The following OR2T12 variants were observed in gnomAD, a reference collection of about 807,000 sequenced individuals.
OR2T12 encodes the protein olfactory receptor family 2 subfamily T member 12.
For missense variants in OR2T12, 335 were observed against 404.3 expected (o/e 0.83, Z 1.47); for synonymous variants, 127 against 160.5 (o/e 0.79, Z 1.58).
intron 1 of OR2T12, among the ~76,000 whole-genome samples, chr1:248,301,791 T>TTAA (rs1659814809): frequency 6.6e-6 from 1 of 152,158 alleles, no homozygotes; most frequent in Admixed American, 6.5e-5. Flanking sequence ...ATGTCTTTTT[T>TTAA]ATGTATTAAC....
At position 248,294,564 on chromosome 1, in the gene OR2T12, A is replaced by G. The variant is rs1659683138; in HGVS notation, c.*52T>C. The stretch of plus-strand genomic sequence containing the variant: ...TGAATTACTAAAGGGAGAGAATTAC[A>G]TAGTGTTAAAATGTTAATAAATTCA... On this transcript the variant is annotated 3_prime_UTR_variant, in exon 3 of 3. Coordinates refer to ENST00000641276, the MANE Select transcript of OR2T12 (RefSeq NM_001004692.2). 1.3e-6 allele frequency: 2 copies of G among 1,554,890 alleles called. No individual in the cohort carries two copies. Among genetic ancestry groups the G allele is most frequent in the Admixed American group, 2.0e-5 (1 of 50,156 alleles).
Position 248,291,903 on chromosome 1 carries a change from C to T in OR2T12, c.*2713G>A, listed in dbSNP as rs1659639214. ...ATATGGAGAAAACTGAAACTGGACC[C>T]CTTCCTTCAACTTTATACAAAAAAT... On this transcript the variant is annotated 3_prime_UTR_variant, in exon 3 of 3. Transcript: ENST00000641276. The T allele has an allele frequency of 6.6e-6, 1 of 152,034 alleles. No homozygotes were observed. Among genetic ancestry groups the T allele is most frequent in the African/African-American group, 2.4e-5 (1 of 41,388 alleles). The allele number at this position is 152,034 out of a possible 1,614,324, so 9.4% of individuals were successfully genotyped here.
intron 2 of OR2T12, among the ~76,000 whole-genome samples, chr1:248,298,071 A>C (rs1659760525): frequency 6.6e-6 from 1 of 152,102 alleles, no homozygotes; most frequent in East Asian, 1.9e-4. Context: ...GCGTTGTTGA[A>C]ATTTGTCAAA....
rs1353366807 is a variant in OR2T12 at position 248,294,131 on chromosome 1, G to C, written c.*485C>G. 1.3e-5 allele frequency: 2 copies of C among 154,572 alleles called. No individual in the cohort carries two copies. Among genetic ancestry groups the C allele is most frequent in the Non-Finnish European group, 2.9e-5 (2 of 69,628 alleles). The allele number at this position is 154,572 out of a possible 1,614,324, so 9.6% of individuals were successfully genotyped here. ...ATTGAACAGAAATAAACTCTTCCAG[G>C]TTAGGGTACAAGCTTTGGAGTCACT... On this transcript the variant is annotated 3_prime_UTR_variant, in exon 3 of 3. Transcript: ENST00000641276.
chr1:248,296,163 G>T (rs1275148149), intron 2 of OR2T12, among the ~76,000 whole-genome samples: 1 of 152,150 alleles, frequency 6.6e-6, no homozygotes, highest in East Asian at 1.9e-4. Flanking sequence ...TTTCATCCAT[G>T]TCTCTACAAA....
In OR2T12 at chr1:248,295,730, A is replaced by T. The variant is rs1659715876; in HGVS notation, c.-8-144T>A. The T allele has an allele frequency of 2.8e-6, 3 of 1,078,872 alleles. 1 individual carries two copies. In the South Asian group the frequency reaches 5.0e-5, roughly 18 times the overall value. 66.8% of individuals were successfully genotyped at this position (1,078,872 alleles called of 1,614,324 possible). On this transcript the variant is annotated intron_variant, in intron 2 of 2. Coordinates refer to ENST00000641276, the MANE Select transcript of OR2T12 (RefSeq NM_001004692.2). Reference sequence around the variant, plus strand: ...CAAAGCCCTGACTCCCAGTAGGCACAGCTTTTCCTGACCTGGCATTCACTT... The same window carrying T: ...CAAAGCCCTGACTCCCAGTAGGCACTGCTTTTCCTGACCTGGCATTCACTT...
Position 248,295,295 on chromosome 1 carries a change from C to A in OR2T12, c.284G>T (p.Cys95Phe). ...TGNKAISRAG[C>F]GVQIFFLPTL... ...GGGGAGGAAGAAGATCTGCACACCA[C>A]AGCCAGCGCGGGAGATGGCCTTATT... The change falls in exon 3 of 3, where the codon TGT becomes TTT. Residue 95 changes from cysteine to phenylalanine, a missense_variant. Transcript: ENST00000641276. The A allele has an allele frequency of 6.2e-7, 1 of 1,609,014 alleles. No individual in the cohort carries two copies. The highest frequency in any genetic ancestry group is 8.5e-7 in the Non-Finnish European group (1 of 1,178,290).
rs140455017 is a variant in OR2T12, at chr1:248,290,450, G to A, written c.*4166C>T. ...GTGTATATGTGCCACAGCTACTTTA[G>A]CCAGTCTATCATTGATGGGCTTTTG... On this transcript the variant is annotated 3_prime_UTR_variant, in exon 3 of 3. Transcript: ENST00000641276. 1.3e-5 allele frequency: 2 copies of A among 152,116 alleles called. No individual in the cohort carries two copies. Among genetic ancestry groups the A allele is most frequent in the Non-Finnish European group, 2.9e-5 (2 of 68,030 alleles). The allele number at this position is 152,116 out of a possible 1,614,324, so 9.4% of individuals were successfully genotyped here.
At position 248,295,127 on chromosome 1, in the gene OR2T12, G is replaced by A. The variant is rs774934447; in HGVS notation, c.452C>T (p.Ala151Val). 1 of 1,605,098 alleles carries A rather than the reference G, an allele frequency of 6.2e-7. No homozygotes were observed. Among genetic ancestry groups the A allele is most frequent in the Admixed American group, 1.7e-5 (1 of 59,496 alleles). ...RMTMSSWLLG[A>V]ADGLLQAVAT... ...AACAGCCTGCAGGAGGCCGTCAGCT[G>A]CACCCAGGAGCCAGGACGACATGGT... The change falls in exon 3 of 3, where the codon GCA (alanine) becomes GTA (valine). Residue 151 changes from alanine (A) to valine (V), a missense_variant. Transcript: ENST00000641276.
rs1659809520 is a variant in OR2T12 at position 248,301,359 on chromosome 1, G to C, written c.-9+14C>G. 1.3e-5 allele frequency: 2 copies of C among 152,032 alleles called. No individual in the cohort carries two copies. The highest frequency in any genetic ancestry group is 2.4e-5 in the African/African-American group (1 of 41,402). 9.4% of individuals were successfully genotyped at this position (152,032 alleles called of 1,614,324 possible). A position where few individuals can be genotyped will look rare whatever the true frequency, so the allele number is the denominator to read the frequency against. ...TTCTAAGTAAGTAAGATACATATGA[G>C]AAATTGTGCTTACCTTTAGGCACCA... On this transcript the variant is annotated intron_variant, in intron 2 of 2. Transcript: ENST00000641276.
Position 248,295,409 on chromosome 1 carries a change from A to G in OR2T12, c.170T>C (p.Met57Thr), listed in dbSNP as rs763885756. The G allele has an allele frequency of 6.2e-7, 1 of 1,605,520 alleles. No homozygotes were observed. Among genetic ancestry groups the G allele is most frequent in the Non-Finnish European group, 8.5e-7 (1 of 1,174,840 alleles). The change falls in exon 3 of 3, where the codon ATG (methionine) becomes ACG (threonine). Residue 57 changes from methionine (M) to threonine (T), a missense_variant. Physicochemically the swap from Met to Thr is moderately conservative, Grantham distance 81 (BLOSUM62 -1). Transcript: ENST00000641276. ...IHWDHRLHRPMYFLLSQLSLM... is the reference protein window; with the variant it reads ...IHWDHRLHRPTYFLLSQLSLM... Reference sequence around the variant, plus strand: ...GGAAAGTTGGCTCAGGAGGAAGTACATGGGCCTGTGGAGCCGGTGGTCCCA... The same window carrying G: ...GGAAAGTTGGCTCAGGAGGAAGTACGTGGGCCTGTGGAGCCGGTGGTCCCA...
chr1:248,294,395 T>C lies in OR2T12; in HGVS notation c.*221A>G. 2.0e-6 allele frequency: 1 copy of C among 509,108 alleles called. No individual in the cohort carries two copies. The highest frequency in any genetic ancestry group is 3.7e-5 in the Admixed American group (1 of 26,672). 31.5% of individuals were successfully genotyped at this position (509,108 alleles called of 1,614,324 possible). A position where few individuals can be genotyped will look rare whatever the true frequency, so the allele number is the denominator to read the frequency against. On this transcript the variant is annotated 3_prime_UTR_variant, in exon 3 of 3. Transcript: ENST00000641276. Reference sequence around the variant, plus strand: ...GAAAACTTATATCATGGGGTTGTTGTAGGATACAAAGTAATCTATAGGTAT... The same window carrying C: ...GAAAACTTATATCATGGGGTTGTTGCAGGATACAAAGTAATCTATAGGTAT...
At position 248,295,527 on chromosome 1, in the gene OR2T12, G is replaced by A. The variant is rs1659710680; in HGVS notation, c.52C>T (p.His18Tyr). 1.2e-6 allele frequency: 2 copies of A among 1,612,954 alleles called. No homozygotes were observed. Residue 18 changes from histidine to tyrosine, a missense_variant, in exon 3 of 3, where the codon CAC (histidine) becomes TAC (tyrosine). Transcript: ENST00000641276. Reference protein sequence around the residue: ...PDFILLGLFNHTRAHQVLFMM... With the variant: ...PDFILLGLFNYTRAHQVLFMM... The stretch of plus-strand genomic sequence containing the variant: ...AAGAGGACTTGGTGGGCTCTGGTGT[G>A]GTTAAAGAGTCCTAGGAGAATAAAA...
chr1:248,302,013 G>T (rs6697735), intron 1 of OR2T12, among the ~76,000 whole-genome samples: 2 of 150,616 alleles, frequency 1.3e-5, no homozygotes, highest in Non-Finnish European at 3.0e-5. Flanking sequence ...ATGATGGAAA[G>T]GAGACATTGA....
intron 2 of OR2T12, among the ~76,000 whole-genome samples, chr1:248,296,196 A>T (rs1156505007): frequency 6.6e-6 from 1 of 152,086 alleles, no homozygotes; most frequent in African/African-American, 2.4e-5. Flanking sequence ...ATCCTTTTTT[A>T]TGGCTGCATA....
intron 2 of OR2T12, among the ~76,000 whole-genome samples, chr1:248,298,067 T>C (rs541576639): frequency 3.9e-5 from 6 of 152,276 alleles, no homozygotes; most frequent in African/African-American, 1.4e-4. Flanking sequence ...TGAAGCGTTG[T>C]TGAAATTTGT....
Position 248,294,803 on chromosome 1 carries a change from C to G in OR2T12, c.776G>C (p.Arg259Thr). The change falls in exon 3 of 3, where the codon AGA becomes ACA. Residue 259 changes from arginine to threonine, a missense_variant. Arg to Thr is a moderately conservative substitution (Grantham distance 71, BLOSUM62 -1). Transcript: ENST00000641276. ...FYGAGIFTYM[R>T]PKSHRSTNHD... ...GTTAGTGGACCTGTGGGATTTGGGT[C>G]TCATATAGGTAAAAATGCCAGCTCC... 1.2e-6 allele frequency: 2 copies of G among 1,613,738 alleles called. No homozygotes were observed. The highest frequency in any genetic ancestry group is 1.7e-6 in the Non-Finnish European group (2 of 1,179,868).
At chr1:248,296,770 G>A (rs1285412357) in intron 2 of OR2T12, among the ~76,000 whole-genome samples, 2 of 152,138 alleles carry the variant, frequency 1.3e-5, no homozygotes, top group African/African-American at 4.8e-5. Context: ...TGTCAGATGA[G>A]CAGGTTGCGA....
intron 2 of OR2T12, among the ~76,000 whole-genome samples, chr1:248,299,284 G>A: frequency 6.6e-6 from 1 of 152,226 alleles, no homozygotes; most frequent in South Asian, 2.1e-4. Flanking sequence ...CTGTGTTCAG[G>A]AAACCCGTCT....
Sources: allele counts gnomAD v4.1 joint callset (sites outside exome capture counted in the v4.1 genomes callset), GRCh38; gene constraint gnomAD v4.1.1; transcripts MANE v1.5; gene names NCBI Gene and HGNC (gene_info 2026-07-23, HGNC 2026-07-21).